The following TRHDE variants were observed in gnomAD, a reference collection of about 807,000 sequenced individuals.
The protein encoded by TRHDE is thyrotropin-releasing hormone-degrading ectoenzyme.
Under a neutral mutation model 125.7 loss-of-function variants are expected in TRHDE, and 72 were observed. The observed-to-expected ratio is 0.57, with a 90% CI of 0.47 to 0.70. The LOEUF (loss-of-function observed/expected upper bound fraction) is 0.70, where lower values mean the gene tolerates loss of function less well. Among genes scored for constraint, TRHDE ranks in the 30% least tolerant of loss-of-function variants. The pLI is 0.00. For missense variants in TRHDE, 1,110 were observed against 1,327.1 expected, an observed-to-expected ratio of 0.84 and a Z score of 2.54; for synonymous variants, 509 against 509.1, an observed-to-expected ratio of 1.00 and a Z score of 0.00.
At chr12:72,224,409 G>A (rs1878082039) in intron 2 of TRHDE, among the ~76,000 whole-genome samples, 1 of 152,074 alleles carries the variant, frequency 6.6e-6, no homozygotes, top group Non-Finnish European at 1.5e-5. Flanking sequence ...GGGAAGGCCA[G>A]CCAGTCAGGT....
chr12:72,440,509 T>C (rs1874955533), intron 3 of TRHDE, among the ~76,000 whole-genome samples: 1 of 151,964 alleles, frequency 6.6e-6, no homozygotes, highest in Non-Finnish European at 1.5e-5. Flanking sequence ...AATATATTTA[T>C]CTTTTACATT....
At chr12:72,218,412 T>G (rs1877936728) in intron 2 of TRHDE, among the ~76,000 whole-genome samples, 1 of 152,158 alleles carries the variant, frequency 6.6e-6, no homozygotes, top group Non-Finnish European at 1.5e-5. Context: ...GACCATATAT[T>G]CCTACAATTT....
At chr12:72,616,568 A>G (rs1173255083) in intron 12 of TRHDE, among the ~76,000 whole-genome samples, 1 of 152,048 alleles carries the variant, frequency 6.6e-6, no homozygotes. Flanking sequence ...TTTTATTTGC[A>G]GGCAAATTCC....
At chr12:72,319,545 C>T (rs557232259) in intron 2 of TRHDE, among the ~76,000 whole-genome samples, 1 of 152,132 alleles carries the variant, frequency 6.6e-6, no homozygotes, top group Non-Finnish European at 1.5e-5. Context: ...TTTCTAGATA[C>T]TTTCTTAGGT....
At chr12:72,656,860 A>T in intron 17 of TRHDE, 67 bp from the exon 18 acceptor site, 6 of 1,108,548 alleles carry the variant, frequency 5.4e-6, no homozygotes, top group Non-Finnish European at 6.7e-6. Flanking sequence ...ACTCTAAAAA[A>T]TCTTTATAGT....
chr12:72,501,921 G>A (rs576878455), intron 6 of TRHDE, among the ~76,000 whole-genome samples: 29 of 151,812 alleles, frequency 1.9e-4, no homozygotes, highest in Non-Finnish European at 3.4e-4. Context: ...CACGCACTTC[G>A]CCCATTTCAT....
chr12:72,144,011 G>A (rs1230313246), intron 2 of TRHDE, among the ~76,000 whole-genome samples: 1 of 152,182 alleles, frequency 6.6e-6, no homozygotes, highest in Non-Finnish European at 1.5e-5. Context: ...TTGGAAAGAT[G>A]AACACTGCTT....
At chr12:72,635,617 A>G (rs1160286760) in intron 15 of TRHDE, among the ~76,000 whole-genome samples, 1 of 151,816 alleles carries the variant, frequency 6.6e-6, no homozygotes, top group East Asian at 1.9e-4. Context: ...GTTTTCTTCT[A>G]GGGTTTTTAT....
chr12:72,178,144 T>C (rs1877025781), intron 2 of TRHDE, among the ~76,000 whole-genome samples: 1 of 152,126 alleles, frequency 6.6e-6, no homozygotes. Flanking sequence ...CTTTTTTGAT[T>C]AAATAATCTA....
rs1222593727 is a variant in TRHDE at position 72,667,045 on chromosome 12, T to C, written c.*3850T>C. 6.6e-6 allele frequency: 1 copy of C among 151,964 alleles called. No homozygotes were observed. The highest frequency in any genetic ancestry group is 6.6e-5 in the Admixed American group (1 of 15,204). 9.4% of individuals were successfully genotyped at this position (151,964 alleles called of 1,614,324 possible). A position where few individuals can be genotyped will look rare whatever the true frequency, so the allele number is the denominator to read the frequency against. ...CTCAATCAGTAAAAATAATATTCAG[T>C]AAAATGTCTATAAATCTATGCAGAT... On this transcript the variant is annotated 3_prime_UTR_variant, in exon 19 of 19. Transcript: ENST00000261180.
rs1032772884 is a variant in TRHDE at position 72,242,368 on chromosome 12, C to T, written n.280-135627C>T. The stretch of plus-strand genomic sequence containing the variant: ...CTGCTCTGCCACATTTCCAACTCCA[C>T]GGCCAAGCCTCAAGAAGCTAGAGAG... On this transcript the variant is annotated intron_variant and non_coding_transcript_variant, in intron 2 of 4. Transcript: ENST00000548156. 3.3e-5 allele frequency among the ~76,000 whole-genome samples: 5 copies of T among 152,162 alleles called. No individual in the cohort carries two copies. In the East Asian group the frequency reaches 7.7e-4, roughly 23 times the overall value.
chr12:72,153,547 C>T (rs1428245338), intron 2 of TRHDE, among the ~76,000 whole-genome samples: 2 of 152,164 alleles, frequency 1.3e-5, no homozygotes, highest in African/African-American at 4.8e-5. Context: ...CTATAAATTT[C>T]CCTCTACACA....
At chr12:72,431,557 A>C (rs1874479752) in intron 3 of TRHDE, among the ~76,000 whole-genome samples, 1 of 152,096 alleles carries the variant, frequency 6.6e-6, no homozygotes, top group Non-Finnish European at 1.5e-5. Flanking sequence ...CTATTTTTCC[A>C]CTCACAATCT....
At chr12:72,349,602 C>G (rs1870490585) in intron 2 of TRHDE, among the ~76,000 whole-genome samples, 1 of 151,882 alleles carries the variant, frequency 6.6e-6, no homozygotes, top group Non-Finnish European at 1.5e-5. Flanking sequence ...TTACAGTGTT[C>G]AGAGCAGTAG....
At chr12:72,097,160 T>C (rs1874944226) in intron 1 of TRHDE, among the ~76,000 whole-genome samples, 1 of 152,184 alleles carries the variant, frequency 6.6e-6, no homozygotes, top group African/African-American at 2.4e-5. Flanking sequence ...GTAAATACAA[T>C]TAATAGTGTA....
At chr12:72,482,849 T>A (rs1345141648) in intron 5 of TRHDE, among the ~76,000 whole-genome samples, 1 of 151,946 alleles carries the variant, frequency 6.6e-6, no homozygotes, top group African/African-American at 2.4e-5. Flanking sequence ...TGGTGGTGAC[T>A]AATGAAAAAC....
chr12:72,535,396 A>C (rs2135980359), intron 6 of TRHDE, among the ~76,000 whole-genome samples: 1 of 152,208 alleles, frequency 6.6e-6, no homozygotes, highest in South Asian at 2.1e-4. Flanking sequence ...GGTTGTCTCT[A>C]GGAGACAGTG....
At chr12:72,201,830 G>A (rs567854454) in intron 2 of TRHDE, among the ~76,000 whole-genome samples, 4 of 152,278 alleles carry the variant, frequency 2.6e-5, no homozygotes, top group South Asian at 2.1e-4. Flanking sequence ...TGGCTAAAAT[G>A]TCCTCTGGTC....
chr12:72,431,109 A>G (rs1874458101), intron 3 of TRHDE, among the ~76,000 whole-genome samples: 1 of 152,116 alleles, frequency 6.6e-6, no homozygotes, highest in Non-Finnish European at 1.5e-5. Context: ...TTGAACTTAT[A>G]GCTAGTAATC....
Sources: gnomAD v4.1 joint callset for allele counts (sites outside exome capture counted in the v4.1 genomes callset) on GRCh38, gnomAD v4.1.1 for gene constraint, MANE v1.5 for transcripts, NCBI Gene and HGNC (gene_info 2026-07-23, HGNC 2026-07-21) for gene names.